Variants in CMIP observed in about 807,000 individuals in gnomAD.
CMIP encodes c-Maf inducing protein, also known as C-Maf-inducing protein.
CMIP carries 13 observed loss-of-function variants against 97.3 expected under a neutral mutation model. The ratio of observed to expected loss-of-function variants is 0.13; its 90% CI spans 0.09 to 0.21. The LOEUF is 0.21. CMIP is among the 10% of genes least tolerant of loss of function. The pLI is 1.00. For missense variants in CMIP, 847 were observed against 1,024.9 expected, an observed-to-expected ratio of 0.83 and a Z score of 2.37; for synonymous variants, 538 against 436.3, an observed-to-expected ratio of 1.23 and a Z score of -2.91.
intron 1 of CMIP, among the ~76,000 whole-genome samples, chr16:81,478,119 C>A (rs12598310): frequency 5.3e-5 from 8 of 152,154 alleles, no homozygotes; most frequent in South Asian, 2.1e-4. Flanking sequence ...CCCTTCCCCC[C>A]CACCCCAGAA....
chr16:81,469,060 A>G (rs1907373339), intron 1 of CMIP, among the ~76,000 whole-genome samples: 1 of 152,210 alleles, frequency 6.6e-6, no homozygotes, highest in African/African-American at 2.4e-5. Context: ...GATCAACCTT[A>G]GGCCCAAGAA....
rs555777270 is a variant in CMIP at position 81,526,909 on chromosome 16, G to A, written c.301-80658G>A. Among the ~76,000 whole-genome samples the A allele has an allele frequency of 3.9e-5, 6 of 152,322 alleles. No individual in the cohort carries two copies. The South Asian group carries it at 1.2e-3, about 32-fold the overall frequency. ...AAGAAGAGAAATTTTGCTTTATAAT[G>A]AGCAGGAATCTTCTCTCAGTTCCTT... is the stretch of plus-strand genomic sequence containing the variant. On this transcript the variant is annotated intron_variant, in intron 1 of 20. Coordinates refer to ENST00000537098, the MANE Select transcript of CMIP (RefSeq NM_198390.3).
At chr16:81,471,494 G>A (rs1907549665) in intron 1 of CMIP, among the ~76,000 whole-genome samples, 1 of 151,988 alleles carries the variant, frequency 6.6e-6, no homozygotes, top group African/African-American at 2.4e-5. Context: ...AGATACATAG[G>A]CATACATATA....
chr16:81,692,428 C>T (rs1906194514), intron 11 of CMIP, among the ~76,000 whole-genome samples: 1 of 152,086 alleles, frequency 6.6e-6, no homozygotes, highest in Non-Finnish European at 1.5e-5. Flanking sequence ...TGGATAATGG[C>T]CTGAAGAGAA....
rs560252823 is a variant in CMIP at position 81,521,195 on chromosome 16, G to C, written c.300+75654G>C. On this transcript the variant is annotated intron_variant, in intron 1 of 20. Coordinates refer to ENST00000537098, the MANE Select transcript of CMIP (RefSeq NM_198390.3). ...CCGGTCGCCGTGACTGTGGACCATG[G>C]GACCCTTTCAGCCCCGAGGCCTTTC... Among the ~76,000 whole-genome samples the C allele has an allele frequency of 1.3e-3, 204 of 152,304 alleles. 1 individual carries two copies. The highest frequency in any genetic ancestry group is 4.8e-3 in the African/African-American group (198 of 41,564).
intron 1 of CMIP, among the ~76,000 whole-genome samples, chr16:81,491,579 C>T (rs888356731): frequency 8.5e-5 from 13 of 152,214 alleles, no homozygotes; most frequent in Admixed American, 7.8e-4. Flanking sequence ...TCATACAATT[C>T]ACCCAAGTAT....
At chr16:81,595,296 T>A (rs563730687) in intron 1 of CMIP, among the ~76,000 whole-genome samples, 35 of 152,284 alleles carry the variant, frequency 2.3e-4, no homozygotes, top group African/African-American at 7.9e-4. Flanking sequence ...TGGATTTGCC[T>A]ATTCTGGACA....
Position 81,546,620 on chromosome 16 carries a change from A to G in CMIP, c.301-60947A>G, listed in dbSNP as rs186140592. Among the ~76,000 whole-genome samples the G allele has an allele frequency of 1.5e-4, 23 of 152,336 alleles. 1 individual carries two copies. Among genetic ancestry groups the G allele is most frequent in the African/African-American group, 5.5e-4 (23 of 41,580 alleles). On this transcript the variant is annotated intron_variant, in intron 1 of 20. Transcript: ENST00000537098. Reference sequence around the variant, plus strand: ...ACACAGTTGTGTGTCTCCTGCCTGCAGGTAGCTGCGGCCTCGTGGAGAAAA... The same window carrying G: ...ACACAGTTGTGTGTCTCCTGCCTGCGGGTAGCTGCGGCCTCGTGGAGAAAA...
intron 20 of CMIP, among the ~76,000 whole-genome samples, chr16:81,707,987 G>A (rs1206872543): frequency 2.0e-5 from 3 of 152,262 alleles, no homozygotes; most frequent in Admixed American, 6.5e-5. Flanking sequence ...CCGCCAGGGC[G>A]TGCTCACTGG....
chr16:81,470,412 G>A (rs1158460667), intron 1 of CMIP, among the ~76,000 whole-genome samples: 1 of 152,232 alleles, frequency 6.6e-6, no homozygotes, highest in East Asian at 1.9e-4. Context: ...GAGTAGTGGC[G>A]TTTGCACAGA....
chr16:81,481,900 AG>A (rs1317098570), intron 1 of CMIP, among the ~76,000 whole-genome samples: 3 of 117,738 alleles, frequency 2.5e-5, no homozygotes, highest in African/African-American at 1.0e-4. Context: ...TTTTTTTGAG[AG>A]GGGGTCTCAC....
chr16:81,695,091 G>T (rs921239624), intron 13 of CMIP, among the ~76,000 whole-genome samples: 17 of 152,188 alleles, frequency 1.1e-4, no homozygotes, highest in African/African-American at 4.1e-4. Context: ...TGCTGGGAGG[G>T]TAATTCTCAA....
Position 81,620,576 on chromosome 16 carries a change from C to A in CMIP, c.427-300C>A, listed in dbSNP as rs995424902. On this transcript the variant is annotated intron_variant, in intron 2 of 20. Transcript: ENST00000537098. ...CCCATTCCCTCCCATGCCCCTAAGT[C>A]CAGCTGTGTGTGCAGTTAAAGCTCT... is the stretch of plus-strand genomic sequence containing the variant. 11 of 335,306 alleles carry A rather than the reference C, an allele frequency of 3.3e-5. No homozygotes were observed. In the East Asian group the frequency reaches 6.9e-4, roughly 21 times the overall value. The allele number at this position is 335,306 out of a possible 1,614,324, so 20.8% of individuals were successfully genotyped here.
At chr16:81,485,769 A>T (rs144259503) in intron 1 of CMIP, among the ~76,000 whole-genome samples, 76 of 152,352 alleles carry the variant, frequency 5.0e-4, no homozygotes, top group African/African-American at 1.8e-3. Context: ...CTGGTGAAAT[A>T]GGTAGTCTTA....
intron 1 of CMIP, among the ~76,000 whole-genome samples, chr16:81,482,269 C>A (rs758547329): frequency 6.6e-6 from 1 of 152,178 alleles, no homozygotes; most frequent in African/African-American, 2.4e-5. Flanking sequence ...GCTTAAGCAA[C>A]TCTAAGGGTC....
chr16:81,512,297 G>C lies in CMIP; in HGVS notation c.300+66756G>C, dbSNP rs769417933. Among the ~76,000 whole-genome samples the C allele has an allele frequency of 4.6e-5, 7 of 152,064 alleles. No individual in the cohort carries two copies. In the East Asian group the frequency reaches 5.8e-4, roughly 13 times the overall value. ...TCACTCCAGGGTCCCTCATGCCTTG[G>C]TGGGGGTCTTTCTTGCTGTGGTTGA... On this transcript the variant is annotated intron_variant, in intron 1 of 20. Transcript: ENST00000537098.
At chr16:81,496,633 G>C (rs543331203) in intron 1 of CMIP, among the ~76,000 whole-genome samples, 2 of 152,208 alleles carry the variant, frequency 1.3e-5, no homozygotes, top group Non-Finnish European at 2.9e-5. Flanking sequence ...TTTTGTGCAC[G>C]TGCTTCCAGG....
chr16:81,691,903 A>ACT, intron 11 of CMIP, 63 bp downstream of exon 11: 1 of 1,404,566 alleles, frequency 7.1e-7, no homozygotes, highest in Non-Finnish European at 1.0e-6. Flanking sequence ...TTGTCCACCA[A>ACT]GGCCTTAGTG....
intron 1 of CMIP, among the ~76,000 whole-genome samples, chr16:81,482,110 C>T (rs555154751): frequency 6.6e-5 from 10 of 152,184 alleles, no homozygotes; most frequent in Admixed American, 2.6e-4. Flanking sequence ...AACTACTGAC[C>T]GCAAGTGATC....
Sources: gnomAD v4.1 joint callset for allele counts (sites outside exome capture counted in the v4.1 genomes callset) on GRCh38, gnomAD v4.1.1 for gene constraint, MANE v1.5 for transcripts, NCBI Gene and HGNC (gene_info 2026-07-23, HGNC 2026-07-21) for gene names.